SLC25A53: variants seen among roughly 807,000 people sequenced by gnomAD.
SLC25A53 encodes solute carrier family 25 member 53, also known as mitochondrial carrier triple repeat protein 6.
In SLC25A53, 5 loss-of-function variants were observed where a neutral mutation model predicts 15.0. That is an observed-to-expected ratio of 0.33 (90% CI 0.17 to 0.70). The LOEUF (loss-of-function observed/expected upper bound fraction) is 0.70, where lower values mean the gene tolerates loss of function less well. Ranked by LOEUF, SLC25A53 falls within the 30% of genes least tolerant of loss-of-function variation. The pLI is 0.67. For synonymous variants in SLC25A53, 95 were observed against 100.0 expected (o/e 0.95, Z 0.30); for missense variants, 216 against 241.6 (o/e 0.89, Z 0.70).
At position 104,100,015 on chromosome X, in the gene SLC25A53, C is replaced by A. The variant is rs1319839271; in HGVS notation, c.*4319G>T. ...GACTAGAGAAATACAATATTTTTATCTTTTCTGAAAGCTTTTTATATTGTT... is the reference window on the plus strand; with the variant it reads ...GACTAGAGAAATACAATATTTTTATATTTTCTGAAAGCTTTTTATATTGTT... On this transcript the variant is annotated 3_prime_UTR_variant, in exon 2 of 2. Transcript: ENST00000594199. 1.8e-5 allele frequency: 2 copies of A among 111,848 alleles called. No individual in the cohort carries two copies. The highest frequency in any genetic ancestry group is 3.8e-5 in the Non-Finnish European group (2 of 53,135). 9.2% of individuals were successfully genotyped at this position (111,848 alleles called of 1,213,427 possible). A position where few individuals can be genotyped will look rare whatever the true frequency, so the allele number is the denominator to read the frequency against.
rs1556360763 is a variant in SLC25A53, at chrX:104,114,880, A to G, written c.-31-9592T>C. The stretch of plus-strand genomic sequence containing the variant: ...TCAGGGCGCCCAGCCAATAGCAATC[A>G]GCAGTGCTGACTGTAACTGCAACGT... On this transcript the variant is annotated intron_variant, in intron 1 of 1. Transcript: ENST00000594199. The G allele has an allele frequency of 2.5e-6, 3 of 1,206,114 alleles. No homozygotes were observed. The highest frequency in any genetic ancestry group is 3.4e-6 in the Non-Finnish European group (3 of 892,214).
chrX:104,119,694 C>T (rs544807496), intron 1 of SLC25A53, among the ~76,000 whole-genome samples: 7 of 102,496 alleles, frequency 6.8e-5, no homozygotes, highest in East Asian at 6.0e-4. Context: ...AAGCGGGGGG[C>T]GGGGGGAGCA....
intron 1 of SLC25A53, among the ~76,000 whole-genome samples, chrX:104,131,903 G>A (rs1156420603): frequency 3.6e-5 from 4 of 111,482 alleles, no homozygotes; most frequent in Admixed American, 1.9e-4. Flanking sequence ...TTCCTTACAC[G>A]TGCTCTCTTC....
rs1448255171 is a variant in SLC25A53 at position 104,135,002 on chromosome X, C to T, written c.-32+21876G>A. 9.0e-5 allele frequency among the ~76,000 whole-genome samples: 10 copies of T among 111,082 alleles called. No individual in the cohort carries two copies. In the Admixed American group the frequency reaches 9.6e-4, roughly 11 times the overall value. ...TCCATGATGCCCCAAAGCCCAGCCA[C>T]ACTGAATTACTCTCTACCTTCAACT... On this transcript the variant is annotated intron_variant, in intron 1 of 1. Transcript: ENST00000594199.
At chrX:104,114,991 G>T (rs2075370438) in intron 1 of SLC25A53, 1 of 1,193,069 alleles carries the variant, frequency 8.4e-7, no homozygotes, top group African/African-American at 1.7e-5. Flanking sequence ...ACCTACAGGT[G>T]CCCCTCCCTT....
intron 1 of SLC25A53, among the ~76,000 whole-genome samples, chrX:104,122,690 C>T (rs2075398883): frequency 8.9e-6 from 1 of 111,814 alleles, no homozygotes; most frequent in African/African-American, 3.2e-5. Context: ...GGACATTTTG[C>T]TATACTGTAC....
chrX:104,129,872 G>GTGTGTA (rs1485788423), intron 1 of SLC25A53, among the ~76,000 whole-genome samples: 2 of 105,873 alleles, frequency 1.9e-5, no homozygotes, highest in Middle Eastern at 4.4e-3. Flanking sequence ...GTGTGTGTGT[G>GTGTGTA]TGTGTGTGTG....
Position 104,105,081 on chromosome X carries a change from G to A in SLC25A53, c.177C>T (p.Ala59=). 8.2e-7 allele frequency: 1 copy of A among 1,212,318 alleles called. No homozygotes were observed. The highest frequency in any genetic ancestry group is 1.8e-5 in the South Asian group (1 of 57,041). The part of the protein sequence containing the change: ...YKVVFRQQIH[A]MAVSEAVRQL... ...GTCTCACAGCCTCTGACACTGCCAT[G>A]GCATGGATCTGTTGCCGGAACACAA... is the stretch of plus-strand genomic sequence containing the variant. The change falls in exon 2 of 2, where the codon GCC becomes GCT. Residue 59 remains alanine (A), a synonymous_variant. Coordinates refer to ENST00000594199, the MANE Select transcript of SLC25A53 (RefSeq NM_001012755.5).
Position 104,099,334 on chromosome X carries a change from A to C in SLC25A53, c.*5000T>G, listed in dbSNP as rs1556351719. 1 of 112,470 alleles carries C rather than the reference A, an allele frequency of 8.9e-6. No homozygotes were observed. The highest frequency in any genetic ancestry group is 2.8e-4 in the East Asian group (1 of 3,623). 9.3% of individuals were successfully genotyped at this position (112,470 alleles called of 1,213,427 possible). On this transcript the variant is annotated 3_prime_UTR_variant, in exon 2 of 2. Transcript: ENST00000594199. ...ATGGATATCCCAATTACCTTGATTT[A>C]ATCATTACACATTGTACACATGTAT... is the stretch of plus-strand genomic sequence containing the variant.
rs1181621901 is a variant in SLC25A53, at chrX:104,129,145, G to A, written c.-31-23857C>T. On this transcript the variant is annotated intron_variant, in intron 1 of 1. Coordinates refer to ENST00000594199, the MANE Select transcript of SLC25A53 (RefSeq NM_001012755.5). ...GCCTCACAACCATGCTGTCCACTAT[G>A]CTTTTTCTAATCAGTAGTTATGAAT... Among the ~76,000 whole-genome samples the A allele has an allele frequency of 2.7e-5, 3 of 111,774 alleles. No individual in the cohort carries two copies. In the Admixed American group the frequency reaches 2.9e-4, roughly 11 times the overall value.
intron 1 of SLC25A53, among the ~76,000 whole-genome samples, chrX:104,109,539 TAAC>T (rs1162256883): frequency 3.6e-5 from 4 of 112,521 alleles, no homozygotes; most frequent in Non-Finnish European, 7.5e-5. Context: ...AAAGGCAAGA[TAAC>T]AATTAAATTG....
chrX:104,153,881 A>T (rs1216104300), intron 1 of SLC25A53, among the ~76,000 whole-genome samples: 1 of 112,356 alleles, frequency 8.9e-6, no homozygotes, highest in Non-Finnish European at 1.9e-5. Flanking sequence ...CTGAGACCAT[A>T]ACACTACAAG....
At chrX:104,150,339 C>A (rs1556370124) in intron 1 of SLC25A53, among the ~76,000 whole-genome samples, 1 of 111,332 alleles carries the variant, frequency 9.0e-6, no homozygotes, top group African/African-American at 3.3e-5. Flanking sequence ...TATAAATGGC[C>A]AGGAAATCTG....
chrX:104,152,066 T>C (rs945498116), intron 1 of SLC25A53, among the ~76,000 whole-genome samples: 21 of 111,735 alleles, frequency 1.9e-4, no homozygotes, highest in Non-Finnish European at 3.2e-4. Flanking sequence ...TCTTTTCTGT[T>C]TTTTTTGTTT....
chrX:104,156,517 T>G (rs188140791), intron 1 of SLC25A53, among the ~76,000 whole-genome samples: 1 of 111,155 alleles, frequency 9.0e-6, no homozygotes, highest in Admixed American at 9.5e-5. Flanking sequence ...ATCTTTCCAA[T>G]AAAATCATCC....
At chrX:104,112,425 C>T (rs1457794514) in intron 1 of SLC25A53, 4 of 114,060 alleles carry the variant, frequency 3.5e-5, no homozygotes, top group Non-Finnish European at 7.5e-5. Context: ...CCAGCCGGCC[C>T]GCTCCCCCTT....
rs370918307 is a variant in SLC25A53, at chrX:104,101,586, C to T, written c.*2748G>A. The stretch of plus-strand genomic sequence containing the variant: ...AGACCAAGTATATATTTCACAATAT[C>T]ACATATATTGTGTGAGTTTTCATTT... On this transcript the variant is annotated 3_prime_UTR_variant, in exon 2 of 2. Coordinates refer to ENST00000594199, the MANE Select transcript of SLC25A53 (RefSeq NM_001012755.5). The T allele has an allele frequency of 1.8e-4, 20 of 112,617 alleles. 1 individual carries two copies. The highest frequency in any genetic ancestry group is 1.6e-3 in the Admixed American group (17 of 10,678). The allele number at this position is 112,617 out of a possible 1,213,427, so 9.3% of individuals were successfully genotyped here. A position where few individuals can be genotyped will look rare whatever the true frequency, so the allele number is the denominator to read the frequency against.
chrX:104,100,807 C>A lies in SLC25A53; in HGVS notation c.*3527G>T, dbSNP rs1396206605. ...TTTTTGCATTGCTCTTACACCACGG[C>A]AATCAGCACAGAATATTTCCATGTC... On this transcript the variant is annotated 3_prime_UTR_variant, in exon 2 of 2. Transcript: ENST00000594199. 8.9e-6 allele frequency: 1 copy of A among 112,247 alleles called. No homozygotes were observed. Among genetic ancestry groups the A allele is most frequent in the Non-Finnish European group, 1.9e-5 (1 of 53,291 alleles). 9.3% of individuals were successfully genotyped at this position (112,247 alleles called of 1,213,427 possible).
intron 1 of SLC25A53, chrX:104,115,369 T>C (rs1556361091): frequency 4.7e-6 from 5 of 1,065,969 alleles, no homozygotes; most frequent in East Asian, 3.3e-5. Context: ...ATTCAGAGTC[T>C]GGTAATGGGA....
Sources: allele counts gnomAD v4.1 joint callset (sites outside exome capture counted in the v4.1 genomes callset), GRCh38; gene constraint gnomAD v4.1.1; transcripts MANE v1.5; gene names NCBI Gene and HGNC (gene_info 2026-07-23, HGNC 2026-07-21).